LRRC2: variants seen among roughly 807,000 people sequenced by gnomAD.
LRRC2 encodes the protein leucine-rich repeat-containing protein 2.
LRRC2 carries 27 observed loss-of-function variants against 40.2 expected under a neutral mutation model. The observed-to-expected ratio is 0.67, with a 90% CI of 0.49 to 0.93. The LOEUF is 0.93. Among genes scored for constraint, LRRC2 ranks in the 40% least tolerant of loss-of-function variants. The probability of loss-of-function intolerance (pLI) is 0.00; values close to 1 mark genes in which losing one functional copy is unlikely to be tolerated. For synonymous variants in LRRC2, 147 were observed against 158.9 expected, an observed-to-expected ratio of 0.92 and a Z score of 0.56; for missense variants, 402 against 439.6, an observed-to-expected ratio of 0.91 and a Z score of 0.76.
Position 46,547,711 on chromosome 3 carries a change from TGTG to T in LRRC2, c.126-2461_126-2459del, listed in dbSNP as rs1704559882. On this transcript the variant is annotated intron_variant, in intron 2 of 8. Coordinates refer to ENST00000395905, the MANE Select transcript of LRRC2 (RefSeq NM_024512.5). ...TATAACATATGTGTGTGTGTATGTG[TGTG>T]TGTGTGTGTGTGTGTGTGTCAGCAC... is the stretch of plus-strand genomic sequence containing the variant. Among the ~76,000 whole-genome samples, 3 of 24,576 alleles carry T rather than the reference TGTG, an allele frequency of 1.2e-4. No homozygotes were observed. In the Admixed American group the frequency reaches 1.5e-3, roughly 13 times the overall value. 16.1% of individuals were successfully genotyped at this position (24,576 alleles called of 152,430 possible).
rs761967471 is a variant in LRRC2, at chr3:46,521,645, T to C, written c.943A>G (p.Met315Val). ...TGGGCATTATCAATAGGATTGTCCATAAGGCTTACAAATCTATTCGAGAAA... is the reference window on the plus strand; with the variant it reads ...TGGGCATTATCAATAGGATTGTCCACAAGGCTTACAAATCTATTCGAGAAA... ...SSTPLKFVSL[M>V]DNPIDNAQCE... Residue 315 changes from methionine to valine, a missense_variant, in exon 8 of 9, where the codon ATG becomes GTG. Transcript: ENST00000395905. The C allele has an allele frequency of 1.9e-5, 31 of 1,611,202 alleles. No individual in the cohort carries two copies. The highest frequency in any genetic ancestry group is 1.7e-4 in the Middle Eastern group (1 of 6,054).
chr3:46,541,893 A>G (rs1704400364), intron 3 of LRRC2, among the ~76,000 whole-genome samples: 1 of 152,148 alleles, frequency 6.6e-6, no homozygotes, highest in African/African-American at 2.4e-5. Flanking sequence ...GGAGGTGGCA[A>G]TCAGATGATG....
At chr3:46,520,666 G>A (rs1703948731) in intron 8 of LRRC2, among the ~76,000 whole-genome samples, 1 of 152,216 alleles carries the variant, frequency 6.6e-6, no homozygotes, top group Non-Finnish European at 1.5e-5. Context: ...TCTGAGGGTG[G>A]CTGAGGGAGC....
chr3:46,558,251 A>T (rs1301542809), intron 1 of LRRC2: 1 of 152,218 alleles, frequency 6.6e-6, no homozygotes, highest in Non-Finnish European at 1.5e-5. Flanking sequence ...CACTGCGCTC[A>T]CTTTAAAGGG....
At chr3:46,524,143 G>A (rs2106980000) in intron 7 of LRRC2, among the ~76,000 whole-genome samples, 1 of 152,228 alleles carries the variant, frequency 6.6e-6, no homozygotes, top group Middle Eastern at 3.4e-3. Flanking sequence ...ATCTGGTAAG[G>A]CTTGGTAATG....
intron 1 of LRRC2, among the ~76,000 whole-genome samples, chr3:46,561,162 A>C: frequency 6.6e-6 from 1 of 152,056 alleles, no homozygotes; most frequent in Admixed American, 6.6e-5. Context: ...AGCATGTTTC[A>C]TGTCCAGCTG....
chr3:46,548,344 T>C (rs1247741936), intron 2 of LRRC2, among the ~76,000 whole-genome samples: 1 of 152,238 alleles, frequency 6.6e-6, no homozygotes, highest in African/African-American at 2.4e-5. Flanking sequence ...CCTTCTTAAA[T>C]ATTTTATGTC....
chr3:46,520,125 TAAC>T (rs557164807), intron 8 of LRRC2, among the ~76,000 whole-genome samples: 193 of 148,980 alleles, frequency 1.3e-3, no homozygotes, highest in Middle Eastern at 7.1e-3. Flanking sequence ...AAGTAAATAA[TAAC>T]TAATAATATA....
intron 1 of LRRC2, among the ~76,000 whole-genome samples, chr3:46,552,221 C>T (rs976979430): frequency 1.3e-5 from 2 of 151,980 alleles, no homozygotes; most frequent in African/African-American, 4.8e-5. Context: ...AGTATATGTA[C>T]CTAATATTCC....
At chr3:46,551,441 C>T in intron 2 of LRRC2, 26 bp downstream of exon 2, 1 of 1,607,166 alleles carries the variant, frequency 6.2e-7, no homozygotes, top group East Asian at 2.2e-5. Context: ...AAACAAGCTA[C>T]AAGACTAGGT....
chr3:46,542,720 T>C (rs531761091), intron 3 of LRRC2, among the ~76,000 whole-genome samples: 18 of 152,200 alleles, frequency 1.2e-4, no homozygotes, highest in African/African-American at 4.3e-4. Context: ...CATGTGGTAG[T>C]AAAAATGAAA....
intron 7 of LRRC2, among the ~76,000 whole-genome samples, chr3:46,522,396 TAAATAAATAAATAAATAAATAAAC>T (rs1381836998): frequency 9.4e-4 from 138 of 146,236 alleles, no homozygotes; most frequent in African/African-American, 3.3e-3. Context: ...AATAAATAAA[TAAATAAATAAATAAATAAATAAAC>T]AAACGATAGG....
At chr3:46,548,570 T>C (rs747160644) in intron 2 of LRRC2, among the ~76,000 whole-genome samples, 9 of 152,214 alleles carry the variant, frequency 5.9e-5, no homozygotes, top group Non-Finnish European at 1.0e-4. Flanking sequence ...CCATTAGAGT[T>C]CTTCTAATTA....
At chr3:46,546,735 T>C (rs1345270347) in intron 2 of LRRC2, among the ~76,000 whole-genome samples, 3 of 150,044 alleles carry the variant, frequency 2.0e-5, no homozygotes, top group Non-Finnish European at 4.4e-5. Context: ...TTTTTTTTTT[T>C]TGAGACAGAG....
At chr3:46,564,727 C>T (rs1030625334) in intron 1 of LRRC2, among the ~76,000 whole-genome samples, 2 of 152,120 alleles carry the variant, frequency 1.3e-5, no homozygotes, top group African/African-American at 4.8e-5. Flanking sequence ...AGGCTCTCTC[C>T]TCCACACCTG....
intron 5 of LRRC2, among the ~76,000 whole-genome samples, chr3:46,531,554 T>C (rs1704160971): frequency 6.6e-6 from 1 of 152,150 alleles, no homozygotes; most frequent in Admixed American, 6.5e-5. Flanking sequence ...GATTTATTTA[T>C]GGATTGGATA....
intron 1 of LRRC2, 143 bp from the exon 2 acceptor site, chr3:46,551,753 T>C: frequency 1.2e-4 from 17 of 140,950 alleles, no homozygotes; most frequent in South Asian, 5.3e-4. Flanking sequence ...ACAGTTTGCT[T>C]TTTTTTTTTT....
At chr3:46,561,580 G>T (rs925135586) in intron 1 of LRRC2, among the ~76,000 whole-genome samples, 2 of 151,954 alleles carry the variant, frequency 1.3e-5, no homozygotes, top group Admixed American at 6.6e-5. Flanking sequence ...GAAGGGGCCG[G>T]GGAGTGAGCC....
At chr3:46,551,739 G>C in intron 1 of LRRC2, 129 bp from the exon 2 acceptor site, 1 of 362,632 alleles carries the variant, frequency 2.8e-6, no homozygotes, top group Non-Finnish European at 4.5e-6. Context: ...CTACTTCAAG[G>C]ATGACAGTTT....
Sources: gnomAD v4.1 joint callset for allele counts (sites outside exome capture counted in the v4.1 genomes callset) on GRCh38, gnomAD v4.1.1 for gene constraint, MANE v1.5 for transcripts, NCBI Gene and HGNC (gene_info 2026-07-23, HGNC 2026-07-21) for gene names.